Variants in PPP2R3A observed in about 807,000 individuals in gnomAD.
The protein encoded by PPP2R3A is protein phosphatase 2 regulatory subunit B''alpha, also known as serine/threonine-protein phosphatase 2A regulatory subunit B'' subunit alpha.
In PPP2R3A, 80 loss-of-function variants were observed where a neutral mutation model predicts 106.9. The observed-to-expected ratio is 0.75, with a 90% CI of 0.62 to 0.90. PPP2R3A has a LOEUF of 0.90. PPP2R3A is among the 40% of genes least tolerant of loss of function. PPP2R3A has a pLI of 0.00. For missense variants in PPP2R3A, 1,386 were observed against 1,350.4 expected (o/e 1.03, Z -0.41); for synonymous variants, 483 against 468.3 (o/e 1.03, Z -0.41).
intron 13 of PPP2R3A, among the ~76,000 whole-genome samples, chr3:136,134,539 G>A (rs773486214): frequency 6.6e-6 from 1 of 152,036 alleles, no homozygotes; most frequent in African/African-American, 2.4e-5. Flanking sequence ...TAATTTCATA[G>A]AAAAATCCAG....
chr3:136,099,278 C>G (rs528704030), intron 10 of PPP2R3A, among the ~76,000 whole-genome samples: 1 of 152,216 alleles, frequency 6.6e-6, no homozygotes, highest in South Asian at 2.1e-4. Context: ...AGCACCTACT[C>G]TCAAATATGA....
At chr3:135,999,989 G>C (rs560465316) in intron 1 of PPP2R3A, among the ~76,000 whole-genome samples, 2 of 152,136 alleles carry the variant, frequency 1.3e-5, no homozygotes, top group Admixed American at 6.5e-5. Flanking sequence ...CATTCTTTTA[G>C]TGAATCACGC....
intron 7 of PPP2R3A, among the ~76,000 whole-genome samples, chr3:136,081,998 G>A (rs969569723): frequency 1.3e-5 from 2 of 152,034 alleles, no homozygotes; most frequent in African/African-American, 4.8e-5. Flanking sequence ...ACCAACTATA[G>A]TCCCCAAGGT....
chr3:136,032,728 G>A (rs866299237), intron 3 of PPP2R3A, among the ~76,000 whole-genome samples: 18 of 152,072 alleles, frequency 1.2e-4, no homozygotes, highest in Non-Finnish European at 2.2e-4. Context: ...TAGAGACGGG[G>A]TTTCACCATG....
At chr3:135,983,531 T>C (rs1435850697) in intron 1 of PPP2R3A, among the ~76,000 whole-genome samples, 2 of 152,254 alleles carry the variant, frequency 1.3e-5, no homozygotes, top group African/African-American at 4.8e-5. Context: ...CAGTGCATTT[T>C]TGCTTTTCTA....
At chr3:136,136,045 CAAAAAAAA>C (rs34558229) in intron 13 of PPP2R3A, among the ~76,000 whole-genome samples, 3 of 22,364 alleles carry the variant, frequency 1.3e-4, no homozygotes, top group African/African-American at 4.9e-4. Flanking sequence ...GACTCCGTCT[CAAAAAAAA>C]AAAAAAAAAA....
chr3:136,009,936 T>C (rs1348658957), intron 2 of PPP2R3A, among the ~76,000 whole-genome samples: 1 of 152,208 alleles, frequency 6.6e-6, no homozygotes, highest in African/African-American at 2.4e-5. Flanking sequence ...ACAACCATGC[T>C]GAGTGGTCTT....
chr3:135,975,388 C>T (rs959144033), intron 1 of PPP2R3A, among the ~76,000 whole-genome samples: 2 of 152,010 alleles, frequency 1.3e-5, no homozygotes, highest in Non-Finnish European at 2.9e-5. Flanking sequence ...TTATGTGGGC[C>T]CTCTGGTGGG....
At chr3:136,121,559 T>C (rs1215149469) in intron 13 of PPP2R3A, among the ~76,000 whole-genome samples, 1 of 151,924 alleles carries the variant, frequency 6.6e-6, no homozygotes, top group Non-Finnish European at 1.5e-5. Flanking sequence ...GTAACAAACC[T>C]GCATAGGTAC....
intron 1 of PPP2R3A, among the ~76,000 whole-genome samples, chr3:135,990,653 TTAAAGA>T (rs1280732684): frequency 6.6e-6 from 1 of 152,182 alleles, no homozygotes; most frequent in Non-Finnish European, 1.5e-5. Context: ...GGGACAGGAC[TTAAAGA>T]TAAAAGTCTT....
intron 13 of PPP2R3A, among the ~76,000 whole-genome samples, chr3:136,140,204 A>C (rs1011917142): frequency 4.7e-5 from 7 of 149,972 alleles, no homozygotes; most frequent in African/African-American, 1.5e-4. Flanking sequence ...GTGGCCATGC[A>C]GAAGGAGTCA....
At chr3:136,048,294 C>T (rs981132113) in intron 4 of PPP2R3A, among the ~76,000 whole-genome samples, 5 of 152,060 alleles carry the variant, frequency 3.3e-5, no homozygotes, top group Non-Finnish European at 5.9e-5. Context: ...AACATTTGTG[C>T]AACCACAAGT....
intron 13 of PPP2R3A, among the ~76,000 whole-genome samples, chr3:136,134,718 G>A (rs958026347): frequency 3.3e-5 from 5 of 152,022 alleles, no homozygotes; most frequent in African/African-American, 9.7e-5. Context: ...TGTAATGAGC[G>A]TGTACTGTAT....
At chr3:136,046,879 C>T (rs1394114289) in intron 4 of PPP2R3A, among the ~76,000 whole-genome samples, 1 of 152,128 alleles carries the variant, frequency 6.6e-6, no homozygotes, top group Non-Finnish European at 1.5e-5. Context: ...TGAAAGATGA[C>T]ACAGCCATTT....
intron 1 of PPP2R3A, among the ~76,000 whole-genome samples, chr3:135,999,731 G>C (rs1414815214): frequency 9.9e-5 from 15 of 151,968 alleles, no homozygotes; most frequent in Admixed American, 9.8e-4. Flanking sequence ...TCAGCAAGAT[G>C]ACTCGTGAAA....
intron 1 of PPP2R3A, among the ~76,000 whole-genome samples, chr3:135,972,222 C>A (rs948266208): frequency 6.6e-5 from 10 of 152,254 alleles, no homozygotes; most frequent in Non-Finnish European, 1.3e-4. Flanking sequence ...TGGAATCATA[C>A]AATATGTAAC....
intron 4 of PPP2R3A, among the ~76,000 whole-genome samples, chr3:136,048,632 A>G (rs1428343449): frequency 2.6e-5 from 4 of 151,710 alleles, no homozygotes; most frequent in Non-Finnish European, 4.4e-5. Flanking sequence ...AGATTGTGCC[A>G]CTGCACTCCA....
chr3:136,030,427 G>A (rs1934830466), intron 3 of PPP2R3A, among the ~76,000 whole-genome samples: 1 of 151,660 alleles, frequency 6.6e-6, no homozygotes, highest in South Asian at 2.1e-4. Context: ...ATGGTTTGTT[G>A]GGAAACAGGT....
At chr3:136,013,429 A>C (rs934642955) in intron 2 of PPP2R3A, among the ~76,000 whole-genome samples, 3 of 152,136 alleles carry the variant, frequency 2.0e-5, no homozygotes, top group Non-Finnish European at 4.4e-5. Context: ...AGGAATTTTC[A>C]TACTGTTTTC....
Sources: gnomAD v4.1 joint callset for allele counts (sites outside exome capture counted in the v4.1 genomes callset) on GRCh38, gnomAD v4.1.1 for gene constraint, MANE v1.5 for transcripts, NCBI Gene and HGNC (gene_info 2026-07-23, HGNC 2026-07-21) for gene names.